CEP89: variants seen among roughly 807,000 people sequenced by gnomAD.
CEP89 encodes centrosomal protein of 89 kDa.
Under a neutral mutation model 97.6 loss-of-function variants are expected in CEP89, and 95 were observed. The ratio of observed to expected loss-of-function variants is 0.97; its 90% CI spans 0.82 to 1.15. The LOEUF (loss-of-function observed/expected upper bound fraction) is 1.15. CEP89 is among the 50% of genes most tolerant of loss of function. CEP89 has a pLI of 0.00. For synonymous variants in CEP89, 354 were observed against 349.1 expected, an observed-to-expected ratio of 1.01 and a Z score of -0.16; for missense variants, 869 against 947.7, an observed-to-expected ratio of 0.92 and a Z score of 1.09.
At chr19:32,880,658 AAAAT>A (rs1242467176) in intron 18 of CEP89, among the ~76,000 whole-genome samples, 1 of 149,012 alleles carries the variant, frequency 6.7e-6, no homozygotes, top group Non-Finnish European at 1.5e-5. Flanking sequence ...AAAAAAAAAA[AAAAT>A]TCCCCAGACT....
In CEP89 at chr19:32,906,090, T is replaced by C. The variant is rs909420882; in HGVS notation, c.1566-4678A>G. 4.6e-5 allele frequency among the ~76,000 whole-genome samples: 7 copies of C among 152,340 alleles called. No homozygotes were observed. The South Asian group carries it at 8.3e-4, about 18-fold the overall frequency. ...CCCTTTTACTTTTGACCTTTCTCTA[T>C]CCTTATGCTTGGGACATATATCTTA... is the stretch of plus-strand genomic sequence containing the variant. On this transcript the variant is annotated intron_variant, in intron 14 of 18. Coordinates refer to ENST00000305768, the MANE Select transcript of CEP89 (RefSeq NM_032816.5).
At chr19:32,913,605 GT>G (rs933397297) in intron 14 of CEP89, among the ~76,000 whole-genome samples, 8 of 148,078 alleles carry the variant, frequency 5.4e-5, no homozygotes, top group Admixed American at 1.4e-4. Context: ...CAGGCAAACT[GT>G]TATGGTTGGT....
At position 32,915,531 on chromosome 19, in the gene CEP89, G is replaced by A. The variant is rs1220555244; in HGVS notation, c.1385-14C>T. On this transcript the variant is annotated splice_polypyrimidine_tract_variant and intron_variant, in intron 13 of 18. Transcript: ENST00000305768. ...TCAGCTTAGAAACTGAAAATCAAAA[G>A]AGGAAGATAAAAACTTGGCACAGAA... The A allele has an allele frequency of 6.2e-7, 1 of 1,603,052 alleles. No homozygotes were observed. The highest frequency in any genetic ancestry group is 8.5e-7 in the Non-Finnish European group (1 of 1,177,168).
At chr19:32,928,789 C>T (rs537131533) in intron 9 of CEP89, among the ~76,000 whole-genome samples, 1 of 152,286 alleles carries the variant, frequency 6.6e-6, no homozygotes, top group South Asian at 2.1e-4. Flanking sequence ...CTAGTCTCCT[C>T]AGCTTCCCCA....
chr19:32,931,687 T>A lies in CEP89; in HGVS notation c.887-116A>T, dbSNP rs918975473. 6.6e-5 allele frequency: 47 copies of A among 711,026 alleles called. No homozygotes were observed. In the South Asian group the frequency reaches 9.2e-4, roughly 14 times the overall value. The allele number at this position is 711,026 out of a possible 1,614,324, so 44.0% of individuals were successfully genotyped here. On this transcript the variant is annotated intron_variant, in intron 8 of 18. Transcript: ENST00000305768. ...TCTTTCACGCTCAGAGGCAATGAAC[T>A]GTGTGTGCGTGTGTGTCTGTGTGTG...
At chr19:32,883,251 C>A (rs1179838302) in intron 17 of CEP89, among the ~76,000 whole-genome samples, 1 of 152,128 alleles carries the variant, frequency 6.6e-6, no homozygotes, top group Non-Finnish European at 1.5e-5. Flanking sequence ...TCAGTTTATA[C>A]ATTCTCTCTG....
chr19:32,912,067 G>T (rs910029775), intron 14 of CEP89, among the ~76,000 whole-genome samples: 1 of 151,918 alleles, frequency 6.6e-6, no homozygotes, highest in African/African-American at 2.4e-5. Context: ...GCCGGATGTG[G>T]TGGTACATGC....
intron 4 of CEP89, among the ~76,000 whole-genome samples, chr19:32,948,643 C>T (rs144893030): frequency 6.6e-6 from 1 of 152,162 alleles, no homozygotes; most frequent in Non-Finnish European, 1.5e-5. Flanking sequence ...AGCCATGTTG[C>T]CAGGGCAGCT....
chr19:32,900,969 T>TC (rs1466205800), intron 15 of CEP89, among the ~76,000 whole-genome samples: 16 of 149,532 alleles, frequency 1.1e-4, no homozygotes, highest in African/African-American at 3.7e-4. Context: ...CACCGCAACC[T>TC]CTGCCTCCCA....
intron 3 of CEP89, among the ~76,000 whole-genome samples, chr19:32,959,542 T>A (rs1971120006): frequency 6.6e-6 from 1 of 152,182 alleles, no homozygotes; most frequent in South Asian, 2.1e-4. Context: ...GGGACCACTC[T>A]CACTGTTCAG....
intron 17 of CEP89, among the ~76,000 whole-genome samples, chr19:32,884,133 G>A (rs988027844): frequency 6.6e-6 from 1 of 152,074 alleles, no homozygotes; most frequent in African/African-American, 2.4e-5. Flanking sequence ...CACACACCCA[G>A]CTCATACTAT....
chr19:32,945,864 C>T (rs1042102694), intron 5 of CEP89, among the ~76,000 whole-genome samples: 2 of 152,120 alleles, frequency 1.3e-5, no homozygotes, highest in Admixed American at 6.6e-5. Flanking sequence ...CTTCTCCTGG[C>T]CCCCTATCCC....
At chr19:32,905,540 A>ATTC (rs1445125919) in intron 14 of CEP89, among the ~76,000 whole-genome samples, 1 of 151,818 alleles carries the variant, frequency 6.6e-6, no homozygotes, top group East Asian at 1.9e-4. Flanking sequence ...CTATTCAGGT[A>ATTC]TTCTTCTTCT....
chr19:32,923,295 A>G, intron 12 of CEP89, 144 bp downstream of exon 12: 2 of 495,618 alleles, frequency 4.0e-6, no homozygotes, highest in Non-Finnish European at 7.2e-6. Flanking sequence ...TTAGGGTTTT[A>G]TTGTACCTTA....
intron 14 of CEP89, 48 bp from the exon 15 acceptor site, chr19:32,901,460 A>C: frequency 6.4e-7 from 1 of 1,573,890 alleles, no homozygotes; most frequent in Non-Finnish European, 8.6e-7. Context: ...AATGAAGCTA[A>C]AATGGGGCAG....
intron 12 of CEP89, among the ~76,000 whole-genome samples, chr19:32,919,433 G>C (rs1006680769): frequency 1.3e-5 from 2 of 152,188 alleles, no homozygotes; most frequent in African/African-American, 2.4e-5. Flanking sequence ...CCCTACAGGT[G>C]AGGAGGAGGA....
chr19:32,943,850 G>T (rs1168151100), intron 5 of CEP89, among the ~76,000 whole-genome samples: 1 of 152,040 alleles, frequency 6.6e-6, no homozygotes, highest in African/African-American at 2.4e-5. Flanking sequence ...AATTTAAAAG[G>T]GTCTGGGGTA....
chr19:32,948,341 C>T lies in CEP89; in HGVS notation c.520G>A (p.Glu174Lys), dbSNP rs1453189963. 5.6e-6 allele frequency: 9 copies of T among 1,610,758 alleles called. No homozygotes were observed. In the African/African-American group the frequency reaches 1.2e-4, roughly 22 times the overall value. ...QVPLLHEVNSEDDENISHQDG... is the reference protein window; with the variant it reads ...QVPLLHEVNSKDDENISHQDG... ...TGATGAGAAATATTTTCATCGTCTT[C>T]ACTGTTCACCTCATGTAACAATGGC... is the stretch of plus-strand genomic sequence containing the variant. The change falls in exon 5 of 19, where the codon GAA becomes AAA. Residue 174 changes from glutamate (E) to lysine (K), a missense_variant. Physicochemically the swap from Glu to Lys is moderately conservative, Grantham distance 56 (BLOSUM62 1). Transcript: ENST00000305768.
At chr19:32,889,320 C>T (rs1162992091) in intron 16 of CEP89, among the ~76,000 whole-genome samples, 1 of 152,192 alleles carries the variant, frequency 6.6e-6, no homozygotes, top group Admixed American at 6.5e-5. Flanking sequence ...ATGCCTCTCC[C>T]TGCATGGATA....
Sources: allele counts gnomAD v4.1 joint callset (sites outside exome capture counted in the v4.1 genomes callset), GRCh38; gene constraint gnomAD v4.1.1; transcripts MANE v1.5; gene names NCBI Gene and HGNC (gene_info 2026-07-23, HGNC 2026-07-21).